LPP: variants seen among roughly 807,000 people sequenced by gnomAD.
LPP encodes lipoma-preferred partner.
Under a neutral mutation model 60.4 loss-of-function variants are expected in LPP, and 38 were observed. That is an observed-to-expected ratio of 0.63 (90% confidence interval 0.49 to 0.83). The LOEUF (loss-of-function observed/expected upper bound fraction) is 0.83. Ranked by LOEUF, LPP falls within the 40% of genes least tolerant of loss-of-function variation. LPP has a pLI of 0.00. For missense variants in LPP, 902 were observed against 783.6 expected (o/e 1.15, Z -1.80); for synonymous variants, 328 against 290.8 (o/e 1.13, Z -1.30).
At chr3:188,483,212 T>C (rs542705474) in intron 4 of LPP, among the ~76,000 whole-genome samples, 197 of 152,314 alleles carry the variant, frequency 1.3e-3, no homozygotes, top group Middle Eastern at 6.8e-3. Context: ...AGCTACACTT[T>C]GAATTCTAAG....
At chr3:188,780,294 T>A (rs948123446) in intron 9 of LPP, among the ~76,000 whole-genome samples, 5 of 152,172 alleles carry the variant, frequency 3.3e-5, no homozygotes, top group Non-Finnish European at 1.5e-5. Flanking sequence ...AGAACAACAA[T>A]TTTTTTGGAG....
intron 9 of LPP, among the ~76,000 whole-genome samples, chr3:188,842,783 A>G (rs551675929): frequency 3.7e-4 from 56 of 152,092 alleles, no homozygotes; most frequent in Non-Finnish European, 3.1e-4. Flanking sequence ...TTTACATGCA[A>G]TGAGATACTC....
At chr3:188,528,105 A>T (rs1821147357) in intron 6 of LPP, among the ~76,000 whole-genome samples, 1 of 152,206 alleles carries the variant, frequency 6.6e-6, no homozygotes, top group South Asian at 2.1e-4. Flanking sequence ...TGAATTGCAG[A>T]TAAAATGTGA....
intron 3 of LPP, among the ~76,000 whole-genome samples, chr3:188,371,638 TA>T (rs1283779762): frequency 1.9e-4 from 7 of 36,322 alleles, no homozygotes; most frequent in East Asian, 8.6e-4. Flanking sequence ...TATATATATA[TA>T]TATTTTTTTT....
intron 9 of LPP, among the ~76,000 whole-genome samples, chr3:188,764,398 A>G (rs1027506370): frequency 6.6e-6 from 1 of 152,178 alleles, no homozygotes; most frequent in African/African-American, 2.4e-5. Flanking sequence ...TGATTAACAG[A>G]ATTTTTATCA....
At chr3:188,195,643 C>A (rs539300928) in intron 1 of LPP, among the ~76,000 whole-genome samples, 1 of 152,310 alleles carries the variant, frequency 6.6e-6, no homozygotes, top group South Asian at 2.1e-4. Flanking sequence ...TTAAGTATAA[C>A]ACACCAGATT....
At chr3:188,381,532 T>G (rs1776874436) in intron 3 of LPP, among the ~76,000 whole-genome samples, 5 of 152,212 alleles carry the variant, frequency 3.3e-5, no homozygotes, top group African/African-American at 9.6e-5. Context: ...GAAAGAAGGT[T>G]GGGGAAAGCA....
chr3:188,553,343 G>A (rs1489591303), intron 6 of LPP, among the ~76,000 whole-genome samples: 4 of 152,124 alleles, frequency 2.6e-5, no homozygotes, highest in South Asian at 4.2e-4. Flanking sequence ...AAAAAGTTCA[G>A]GTAGACCTAC....
intron 7 of LPP, among the ~76,000 whole-genome samples, chr3:188,696,584 AAAC>A (rs76757283): frequency 0.056 from 8,557 of 152,218 alleles, 304 homozygotes; most frequent in Non-Finnish European, 0.085. Context: ...AATCCGTCTA[AAAC>A]AACAACAACA....
rs201805178 is a variant in LPP at position 188,509,639 on chromosome 3, T to C, written c.307-15026T>C. On this transcript the variant is annotated intron_variant, in intron 5 of 11. Transcript: ENST00000617246. ...TTTTTTTGTCCCCTTCCTTCCTTCC[T>C]TCCTTCCTTCCTTCCTTCCTTCCTT... Among the ~76,000 whole-genome samples the C allele has an allele frequency of 6.6e-4, 21 of 31,656 alleles. No homozygotes were observed. In the East Asian group the frequency reaches 0.014, roughly 21 times the overall value. 20.8% of individuals were successfully genotyped at this position (31,656 alleles called of 152,430 possible).
At chr3:188,316,445 A>T (rs1755097804) in intron 2 of LPP, among the ~76,000 whole-genome samples, 1 of 151,070 alleles carries the variant, frequency 6.6e-6, no homozygotes, top group South Asian at 2.1e-4. Context: ...ACTGGAAGAA[A>T]AAAAAAATAA....
At chr3:188,677,462 A>G (rs1199196418) in intron 7 of LPP, among the ~76,000 whole-genome samples, 1 of 152,180 alleles carries the variant, frequency 6.6e-6, no homozygotes, top group Non-Finnish European at 1.5e-5. Context: ...TTCAGGAGAG[A>G]TGCCCTCTTA....
At chr3:188,537,002 A>C (rs1173624835) in intron 6 of LPP, among the ~76,000 whole-genome samples, 1 of 152,238 alleles carries the variant, frequency 6.6e-6, no homozygotes, top group East Asian at 1.9e-4. Context: ...AACTTATGTT[A>C]ACTTGATGCT....
rs541840092 is a variant in LPP, at chr3:188,535,221, G to A, written c.429+10434G>A. 1.1e-4 allele frequency among the ~76,000 whole-genome samples: 17 copies of A among 152,208 alleles called. No homozygotes were observed. The South Asian group carries it at 2.7e-3, about 24-fold the overall frequency. On this transcript the variant is annotated intron_variant, in intron 6 of 11. Transcript: ENST00000617246. ...AGGTTCCAGACTGCAGAAGGGGATC[G>A]AATTATGTTTCATTGTATTGAGTCA...
intron 5 of LPP, among the ~76,000 whole-genome samples, chr3:188,524,207 C>T (rs1819822460): frequency 6.6e-6 from 1 of 152,220 alleles, no homozygotes; most frequent in Admixed American, 6.5e-5. Flanking sequence ...CTTCCAAGCA[C>T]TGGCATGCTC....
intron 5 of LPP, among the ~76,000 whole-genome samples, chr3:188,523,424 A>T (rs945208335): frequency 6.6e-5 from 10 of 152,334 alleles, no homozygotes; most frequent in South Asian, 2.1e-4. Context: ...AGATAGTTAA[A>T]TAAGCTCCAA....
At chr3:188,591,874 G>A (rs561701336) in intron 6 of LPP, among the ~76,000 whole-genome samples, 120 of 152,194 alleles carry the variant, frequency 7.9e-4, no homozygotes, top group African/African-American at 2.7e-3. Context: ...AATATCAGAG[G>A]GTTTAACTGT....
intron 9 of LPP, among the ~76,000 whole-genome samples, chr3:188,855,686 G>C (rs7618954): frequency 0.023 from 3,524 of 152,228 alleles, 119 homozygotes; most frequent in African/African-American, 0.08. Context: ...GTGATGCTTT[G>C]AACAAGACAA....
chr3:188,797,517 C>G (rs1745732710), intron 9 of LPP, among the ~76,000 whole-genome samples: 1 of 152,144 alleles, frequency 6.6e-6, no homozygotes, highest in Admixed American at 6.5e-5. Flanking sequence ...CCAGATTATT[C>G]GATCTCATCT....
Sources: allele counts gnomAD v4.1 joint callset (sites outside exome capture counted in the v4.1 genomes callset), GRCh38; gene constraint gnomAD v4.1.1; transcripts MANE v1.5; gene names NCBI Gene and HGNC (gene_info 2026-07-23, HGNC 2026-07-21).